Variants in PFAS observed in about 807,000 individuals in gnomAD.
PFAS encodes the protein FGAM synthase.
A neutral mutation model predicts 140.6 loss-of-function variants in PFAS; 97 were observed. That is an observed-to-expected ratio of 0.69 (90% CI 0.59 to 0.82). The LOEUF (loss-of-function observed/expected upper bound fraction) is 0.82, where lower values mean the gene tolerates loss of function less well. Ranked by LOEUF, PFAS falls within the 40% of genes least tolerant of loss-of-function variation. The probability of loss-of-function intolerance (pLI) is 0.00; values close to 1 mark genes in which losing one functional copy is unlikely to be tolerated. For synonymous variants in PFAS, 679 were observed against 718.8 expected, an observed-to-expected ratio of 0.94 and a Z score of 0.88; for missense variants, 1,656 against 1,780.2, an observed-to-expected ratio of 0.93 and a Z score of 1.26.
chr17:8,269,514 G>A lies in PFAS; in HGVS notation c.*250G>A. 1 of 465,166 alleles carries A rather than the reference G, an allele frequency of 2.1e-6. No homozygotes were observed. Among genetic ancestry groups the A allele is most frequent in the East Asian group, 3.4e-5 (1 of 29,288 alleles). The allele number at this position is 465,166 out of a possible 1,614,324, so 28.8% of individuals were successfully genotyped here. On this transcript the variant is annotated 3_prime_UTR_variant, in exon 28 of 28. Coordinates refer to ENST00000314666, the MANE Select transcript of PFAS (RefSeq NM_012393.3). ...CCCAGGAAACAGCATGTGGTTCAGA[G>A]AAAAGAGCGACAAGGAAAAGTTAGG...
chr17:8,264,343 T>C lies in PFAS; in HGVS notation c.1917+6T>C. The C allele has an allele frequency of 6.2e-7, 1 of 1,613,660 alleles. No homozygotes were observed. Among genetic ancestry groups the C allele is most frequent in the Non-Finnish European group, 8.5e-7 (1 of 1,179,812 alleles). On this transcript the variant is annotated splice_donor_region_variant and intron_variant, in intron 16 of 27. Transcript: ENST00000314666. ...TGGGCAAGATGCCTCGGAAGGTATGTGGGGTTGAGGGGATGGGTTTTTCCT... is the reference window on the plus strand; with the variant it reads ...TGGGCAAGATGCCTCGGAAGGTATGCGGGGTTGAGGGGATGGGTTTTTCCT...
Position 8,255,136 on chromosome 17 carries a change from A to T in PFAS, c.384+4A>T. 1 of 1,595,214 alleles carries T rather than the reference A, an allele frequency of 6.3e-7. No individual in the cohort carries two copies. Among genetic ancestry groups the T allele is most frequent in the African/African-American group, 1.3e-5 (1 of 74,640 alleles). On this transcript the variant is annotated splice_donor_region_variant and intron_variant, in intron 4 of 27. Coordinates refer to ENST00000314666, the MANE Select transcript of PFAS (RefSeq NM_012393.3). ...CACCCGGCGCTACCGGCTCTCGGTG[A>T]GGTGATGGGGAATCAGGAGGAGGAG...
chr17:8,259,297 G>T (rs141625528), intron 11 of PFAS, among the ~76,000 whole-genome samples: 5 of 151,734 alleles, frequency 3.3e-5, no homozygotes, highest in African/African-American at 2.4e-5. Context: ...TAGAGACAGG[G>T]TGTTACTTTG....
At chr17:8,268,911 A>C (rs1989933665) in intron 27 of PFAS, 43 bp from the exon 28 acceptor site, 2 of 1,612,710 alleles carry the variant, frequency 1.2e-6, no homozygotes, top group Non-Finnish European at 1.7e-6. Flanking sequence ...AAGGGTGGGC[A>C]TGAAGGACCT....
At position 8,265,377 on chromosome 17, in the gene PFAS, A is replaced by G; in HGVS notation, c.2370A>G (p.Ala790=). ...CGGATGCCTGTGAGGCTATGGTGGC[A>G]GTGATGGCAGCCCTGGGTGTGGCAG... ...ALADACEAMV[A]VMAALGVAVD... Residue 790 remains alanine (A), a synonymous_variant, in exon 19 of 28, where the codon GCA becomes GCG. Transcript: ENST00000314666. 6.2e-7 allele frequency: 1 copy of G among 1,614,154 alleles called. No individual in the cohort carries two copies. The highest frequency in any genetic ancestry group is 2.2e-5 in the East Asian group (1 of 44,882).
upstream of PFAS, among the ~76,000 whole-genome samples, chr17:8,249,026 C>G (rs1989011107): frequency 6.6e-6 from 1 of 152,212 alleles, no homozygotes; most frequent in Non-Finnish European, 1.5e-5. Context: ...GTAATGCCAC[C>G]AAAGCACAAC....
intron 11 of PFAS, among the ~76,000 whole-genome samples, chr17:8,259,124 T>G (rs968636922): frequency 8.7e-6 from 1 of 114,510 alleles, no homozygotes; most frequent in African/African-American, 2.8e-5. Flanking sequence ...CGCACCACTG[T>G]CAAAAAAAAA....
At position 8,256,417 on chromosome 17, in the gene PFAS, C is replaced by T. The variant is rs926057850; in HGVS notation, c.821+10C>T. 39 of 1,613,878 alleles carry T rather than the reference C, an allele frequency of 2.4e-5. No homozygotes were observed. Among genetic ancestry groups the T allele is most frequent in the Non-Finnish European group, 2.9e-5 (34 of 1,180,000 alleles). On this transcript the variant is annotated intron_variant, in intron 7 of 27. Coordinates refer to ENST00000314666, the MANE Select transcript of PFAS (RefSeq NM_012393.3). The stretch of plus-strand genomic sequence containing the variant: ...TCTGTGATAACAGCAGGTGCTGTGC[C>T]CTAGACTGGGTTGGCGTCAGGACCC...
At position 8,264,319 on chromosome 17, in the gene PFAS, G is replaced by A. The variant is rs755393535; in HGVS notation, c.1899G>A (p.Leu633=). 1.2e-6 allele frequency: 2 copies of A among 1,614,006 alleles called. No individual in the cohort carries two copies. Among genetic ancestry groups the A allele is most frequent in the South Asian group, 1.1e-5 (1 of 91,076 alleles). The change falls in exon 16 of 28, where the codon CTG becomes CTA. Residue 633 remains leucine, a synonymous_variant. Transcript: ENST00000314666. ...TPVDLELEWV[L]GKMPRKEFFL... ...TGGACCTGGAGCTCGAATGGGTGCT[G>A]GGCAAGATGCCTCGGAAGGTATGTG...
chr17:8,253,367 A>G (rs1989232557), intron 1 of PFAS, among the ~76,000 whole-genome samples: 1 of 152,160 alleles, frequency 6.6e-6, no homozygotes, highest in Admixed American at 6.6e-5. Context: ...TCCCTACCAC[A>G]TTAATAAAGA....
At chr17:8,253,779 T>A in intron 1 of PFAS, 80 bp from the exon 2 acceptor site, 1 of 1,011,424 alleles carries the variant, frequency 9.9e-7, no homozygotes, top group Non-Finnish European at 1.4e-6. Context: ...CCTCAGGCAA[T>A]CCACCTGCCT....
rs765365812 is a variant in PFAS, at chr17:8,265,566, C to A, written c.2472C>A (p.Val824=). 1 of 1,614,086 alleles carries A rather than the reference C, an allele frequency of 6.2e-7. No homozygotes were observed. The highest frequency in any genetic ancestry group is 8.5e-7 in the Non-Finnish European group (1 of 1,179,950). Reference sequence around the variant, plus strand: ...CTCCTTGCTCTACAGGGTCACTGGTCATCTCAGCCTATGCCGTCTGCCCAG... The same window carrying A: ...CTCCTTGCTCTACAGGGTCACTGGTAATCTCAGCCTATGCCGTCTGCCCAG... ...TETVRAPGSL[V]ISAYAVCPDI... Residue 824 remains valine (V), a synonymous_variant, in exon 20 of 28, where the codon GTC becomes GTA. Coordinates refer to ENST00000314666, the MANE Select transcript of PFAS (RefSeq NM_012393.3).
chr17:8,253,605 T>C (rs1989242887), intron 1 of PFAS, among the ~76,000 whole-genome samples: 1 of 152,168 alleles, frequency 6.6e-6, no homozygotes, highest in Admixed American at 6.5e-5. Context: ...AATGGCGCGA[T>C]CTCGGCTCAC....
Position 8,254,307 on chromosome 17 carries a change from T to C in PFAS, c.278+6T>C, listed in dbSNP as rs747941654. ...CTGCTGGAGGTCGGGCCCAGGTAAG[T>C]ATCTCATCCTGCCCACCCCTTTCTT... On this transcript the variant is annotated splice_donor_region_variant and intron_variant, in intron 3 of 27. Transcript: ENST00000314666. 6.2e-7 allele frequency: 1 copy of C among 1,613,870 alleles called. No individual in the cohort carries two copies. The highest frequency in any genetic ancestry group is 8.5e-7 in the Non-Finnish European group (1 of 1,179,990).
Position 8,268,755 on chromosome 17 carries a change from ACGAGT to A in PFAS, c.3607_3611del (p.Glu1203SerfsTer46). On this transcript the variant is annotated frameshift_variant, in exon 27 of 28. Coordinates refer to ENST00000314666, the MANE Select transcript of PFAS (RefSeq NM_012393.3). LOFTEE classifies it high-confidence loss of function. ...CTACGCCACAACCTGTCTGGGCGCT[ACGAGT>A]CTCGCTGGGCCAGCGTGCGTGTGGG... The A allele has an allele frequency of 1.2e-6, 2 of 1,611,964 alleles. No homozygotes were observed. Among genetic ancestry groups the A allele is most frequent in the Middle Eastern group, 1.7e-4 (1 of 6,050 alleles).
chr17:8,250,804 C>T (rs1206036226), intron 1 of PFAS, among the ~76,000 whole-genome samples: 1 of 152,038 alleles, frequency 6.6e-6, no homozygotes, highest in Non-Finnish European at 1.5e-5. Context: ...AACCTCAAAT[C>T]CATCTCCCAG....
Position 8,267,133 on chromosome 17 carries a change from C to T in PFAS, c.3073C>T (p.Pro1025Ser). The T allele has an allele frequency of 6.2e-7, 1 of 1,612,612 alleles. No individual in the cohort carries two copies. The highest frequency in any genetic ancestry group is 1.1e-5 in the South Asian group (1 of 90,944). The change falls in exon 24 of 28, where the codon CCT becomes TCT. Residue 1025 changes from proline (P) to serine (S), a missense_variant. Pro to Ser is a moderately conservative substitution (Grantham distance 74, BLOSUM62 -1). Around this residue, in one of 2 missense-constraint regions of PFAS, gnomAD observed 883 missense variants for 1,023.0 expected, o/e 0.86. Transcript: ENST00000314666. This position sits in a 1 kb window ranked among gnomAD's most constrained non-coding sequence, Gnocchi z 4.9. The stretch of plus-strand genomic sequence containing the variant: ...CCAGCTGGACCGGCTACAGGCAGAG[C>T]CTCGCTGTGTGGCAGAGGAGGAACG... ...SFQLDRLQAE[P>S]RCVAEEERGL...
chr17:8,267,005 G>T lies in PFAS; in HGVS notation c.2968-23G>T. The T allele has an allele frequency of 6.2e-7, 1 of 1,612,572 alleles. No homozygotes were observed. Among genetic ancestry groups the T allele is most frequent in the African/African-American group, 1.3e-5 (1 of 75,038 alleles). On this transcript the variant is annotated intron_variant, in intron 23 of 27. Coordinates refer to ENST00000314666, the MANE Select transcript of PFAS (RefSeq NM_012393.3). This position sits in a 1 kb window ranked among gnomAD's most constrained non-coding sequence, Gnocchi z 4.9. ...GGGGCCATCCTTTCTCCTAGCCCGT[G>T]GGAGATTTGTTCCTCTTCCTAGGTC...
chr17:8,262,979 G>C lies in PFAS; in HGVS notation c.1396G>C (p.Ala466Pro). 1.2e-6 allele frequency: 2 copies of C among 1,613,952 alleles called. No individual in the cohort carries two copies. Among genetic ancestry groups the C allele is most frequent in the Non-Finnish European group, 1.7e-6 (2 of 1,179,820 alleles). Residue 466 changes from alanine to proline, a missense_variant, in exon 12 of 28, where the codon GCT becomes CCT. Coordinates refer to ENST00000314666, the MANE Select transcript of PFAS (RefSeq NM_012393.3). ...CAGGATTGGAGTTGGAGGTGGAGCT[G>C]CTTCATCTGTGCAGGTGAGTGGGAA... The part of the protein sequence containing the change: ...VYRIGVGGGA[A>P]SSVQVQGDNT...
Sources: gnomAD v4.1 joint callset for allele counts (sites outside exome capture counted in the v4.1 genomes callset) on GRCh38, gnomAD v4.1.1 for gene constraint, gnomAD v4.1.1 regional missense constraint, Gnocchi (gnomAD v3.1) non-coding constraint, MANE v1.5 for transcripts, NCBI Gene and HGNC (gene_info 2026-07-23, HGNC 2026-07-21) for gene names.